Variants in C6orf132 observed in about 807,000 individuals in gnomAD.
C6orf132 encodes the protein chromosome 6 open reading frame 132.
In C6orf132, 43 loss-of-function variants were observed where a neutral mutation model predicts 65.3. The observed-to-expected ratio is 0.66, with a 90% CI of 0.52 to 0.85. C6orf132 has a LOEUF of 0.85. Ranked by LOEUF, C6orf132 falls within the 40% of genes least tolerant of loss-of-function variation. The pLI, the probability that C6orf132 is intolerant of heterozygous loss-of-function variation, is 0.00. For synonymous variants in C6orf132, 631 were observed against 654.1 expected (o/e 0.96, Z 0.54); for missense variants, 1,488 against 1,548.8 (o/e 0.96, Z 0.66).
rs1360252620 is a variant in C6orf132, at chr6:42,105,722, C to T, written c.2190G>A (p.Gln730=). ...CTGAGGGGGACCCCTCTCCCCTTGCCTGGGAGGGAGTGGAAACTTCTTGAG... is the reference window on the plus strand; with the variant it reads ...CTGAGGGGGACCCCTCTCCCCTTGCTTGGGAGGGAGTGGAAACTTCTTGAG... ...PASQEVSTPS[Q]ARGEGSPSEA... is the part of the protein sequence containing the mutation. The change falls in exon 4 of 5, where the codon CAG becomes CAA. Residue 730 remains glutamine (Q), a synonymous_variant. Transcript: ENST00000341865. 2.6e-6 allele frequency: 4 copies of T among 1,537,206 alleles called. 1 individual carries two copies. In the African/African-American group the frequency reaches 5.5e-5, roughly 21 times the overall value.
rs1177429339 is a variant in C6orf132 at position 42,105,397 on chromosome 6, T to G, written c.2515A>C (p.Met839Leu). The change falls in exon 4 of 5, where the codon ATG (methionine) becomes CTG (leucine). Residue 839 changes from methionine to leucine, a missense_variant. Physicochemically the swap from Met to Leu is conservative, Grantham distance 15. Transcript: ENST00000341865. ...TGCCTGGCCGCCAGGAGCAGGGCCA[T>G]CGGCGAGCCCCGCTCCACCACCTCC... Reference protein sequence around the residue: ...TGEVVERGSPMALLLAARQRA... With the variant: ...TGEVVERGSPLALLLAARQRA... The G allele has an allele frequency of 6.5e-7, 1 of 1,535,718 alleles. No individual in the cohort carries two copies. The highest frequency in any genetic ancestry group is 2.0e-5 in the Admixed American group (1 of 50,978).
At position 42,142,584 on chromosome 6, in the gene C6orf132, C is replaced by A. The variant is rs1016121571; in HGVS notation, c.-140G>T. 1,799 of 311,134 alleles carry A rather than the reference C, an allele frequency of 5.8e-3. No individual in the cohort carries two copies. The highest frequency in any genetic ancestry group is 0.011 in the East Asian group (102 of 9,594). The allele number at this position is 311,134 out of a possible 1,614,324, so 19.3% of individuals were successfully genotyped here. ...CCGTCCTCCCCGCCCGCGCACCGGGCAACAGGTGCTGCGGGCGCCGCCGCT... is the reference window on the plus strand; with the variant it reads ...CCGTCCTCCCCGCCCGCGCACCGGGAAACAGGTGCTGCGGGCGCCGCCGCT... On this transcript the variant is annotated 5_prime_UTR_variant, in exon 1 of 5. Transcript: ENST00000341865.
chr6:42,122,060 A>G (rs986478099), intron 2 of C6orf132, among the ~76,000 whole-genome samples: 2 of 152,164 alleles, frequency 1.3e-5, no homozygotes, highest in African/African-American at 2.4e-5. Flanking sequence ...GCCAGTGAAC[A>G]GTTTATAAAG....
At chr6:42,137,934 T>C (rs1251909161) in intron 1 of C6orf132, among the ~76,000 whole-genome samples, 1 of 152,102 alleles carries the variant, frequency 6.6e-6, no homozygotes, top group Non-Finnish European at 1.5e-5. Context: ...AATAGCCATG[T>C]GTGGTGGCGC....
Position 42,104,447 on chromosome 6 carries a change from CG to C in C6orf132, c.3449+15del. On this transcript the variant is annotated intron_variant, in intron 4 of 4. Coordinates refer to ENST00000341865, the MANE Select transcript of C6orf132 (RefSeq NM_001164446.3). The surrounding 1 kb of genome is among the most constrained non-coding windows in gnomAD (Gnocchi z 4.1). ...ACCCCTCCTGGCTTCCCGCACCAGC[CG>C]GGCCCGCAGCTCACCTGCCGGCAGC... The C allele has an allele frequency of 1.6e-6, 2 of 1,230,478 alleles. No homozygotes were observed. Among genetic ancestry groups the C allele is most frequent in the Non-Finnish European group, 2.0e-6 (2 of 987,296 alleles). 76.2% of individuals were successfully genotyped at this position (1,230,478 alleles called of 1,614,324 possible). A position where few individuals can be genotyped will look rare whatever the true frequency, so the allele number is the denominator to read the frequency against.
At chr6:42,136,728 T>C (rs939762451) in intron 1 of C6orf132, among the ~76,000 whole-genome samples, 1 of 152,182 alleles carries the variant, frequency 6.6e-6, no homozygotes, top group African/African-American at 2.4e-5. Flanking sequence ...AAGGCCAGTC[T>C]TTCCCAGCAA....
At chr6:42,139,873 C>T (rs905871480) in intron 1 of C6orf132, among the ~76,000 whole-genome samples, 2 of 152,204 alleles carry the variant, frequency 1.3e-5, no homozygotes, top group Non-Finnish European at 2.9e-5. Flanking sequence ...GGCAGTTACC[C>T]TGCAGGCAGC....
Position 42,104,897 on chromosome 6 carries a change from A to C in C6orf132, c.3015T>G (p.Tyr1005Ter), listed in dbSNP as rs1385493342. The C allele has an allele frequency of 6.9e-7, 1 of 1,452,554 alleles. No individual in the cohort carries two copies. The highest frequency in any genetic ancestry group is 1.4e-5 in the South Asian group (1 of 70,794). 90.0% of individuals were successfully genotyped at this position (1,452,554 alleles called of 1,614,324 possible). Residue 1005 changes from tyrosine (Y) to a stop codon, truncating the protein, a stop_gained, in exon 4 of 5, where the codon TAT becomes TAG. Transcript: ENST00000341865. LOFTEE classifies it high-confidence loss of function. This position sits in a 1 kb window ranked among gnomAD's most constrained non-coding sequence, Gnocchi z 4.1. ...DPEPPAPALQYLGRQSSPPRN... is the reference protein window; with the variant it reads ...DPEPPAPALQ The stretch of plus-strand genomic sequence containing the variant: ...GGGGAGGGGAGCTCTGGCGGCCCAG[A>C]TACTGGAGGGCCGGGGCCGGGGGCT...
At position 42,106,755 on chromosome 6, in the gene C6orf132, C is replaced by T. The variant is rs753343322; in HGVS notation, c.1157G>A (p.Arg386Gln). 34 of 1,531,994 alleles carry T rather than the reference C, an allele frequency of 2.2e-5. 1 individual carries two copies. The highest frequency in any genetic ancestry group is 2.3e-4 in the Middle Eastern group (1 of 4,406). The allele number at this position is 1,531,994 out of a possible 1,614,324, so 94.9% of individuals were successfully genotyped here. A position where few individuals can be genotyped will look rare whatever the true frequency, so the allele number is the denominator to read the frequency against. ...LGQSQSQADE[R>Q]AGTPPPAPPL... is the part of the protein sequence containing the mutation. ...AGGGGCTGGAGGCGGAGTCCCAGCT[C>T]GTTCATCTGCTTGGGACTGGGACTG... The change falls in exon 4 of 5, where the codon CGA becomes CAA. Residue 386 changes from arginine to glutamine, a missense_variant. Arg to Gln is a conservative substitution (Grantham distance 43). Transcript: ENST00000341865.
chr6:42,111,988 C>G (rs1766502425), intron 2 of C6orf132, among the ~76,000 whole-genome samples: 1 of 150,504 alleles, frequency 6.6e-6, no homozygotes, highest in African/African-American at 2.5e-5. Flanking sequence ...CCTATTACAC[C>G]CATCCCACAT....
At chr6:42,126,287 G>T (rs998902747) in intron 2 of C6orf132, 2 of 151,630 alleles carry the variant, frequency 1.3e-5, no homozygotes, top group Non-Finnish European at 2.9e-5. Flanking sequence ...CACCATGTTG[G>T]CCAGGCTGGT....
At chr6:42,129,800 C>T (rs1766824490) in intron 1 of C6orf132, among the ~76,000 whole-genome samples, 1 of 152,210 alleles carries the variant, frequency 6.6e-6, no homozygotes, top group South Asian at 2.1e-4. Context: ...GGACTTTCCT[C>T]GATAGCCAAA....
intron 2 of C6orf132, among the ~76,000 whole-genome samples, chr6:42,128,172 C>CT (rs1425512472): frequency 6.6e-6 from 1 of 151,780 alleles, no homozygotes; most frequent in East Asian, 1.9e-4. Context: ...ATGATCTGCC[C>CT]CCTTGGCCTC....
chr6:42,104,694 C>T lies in C6orf132; in HGVS notation c.3218G>A (p.Arg1073Gln), dbSNP rs1292398017. 4 of 1,517,310 alleles carry T rather than the reference C, an allele frequency of 2.6e-6. No homozygotes were observed. The highest frequency in any genetic ancestry group is 3.5e-6 in the Non-Finnish European group (4 of 1,139,212). 94.0% of individuals were successfully genotyped at this position (1,517,310 alleles called of 1,614,324 possible). ...KKRLYVGEPHRGPGLPHGGTG... is the reference protein window; with the variant it reads ...KKRLYVGEPHQGPGLPHGGTG... ...GCCACCGTGGGGTAGCCCTGGGCCT[C>T]GGTGCGGCTCCCCGACGTACAGGCG... The change falls in exon 4 of 5, where the codon CGA (arginine) becomes CAA (glutamine). Residue 1073 changes from arginine (R) to glutamine (Q), a missense_variant. Coordinates refer to ENST00000341865, the MANE Select transcript of C6orf132 (RefSeq NM_001164446.3). This position sits in a 1 kb window ranked among gnomAD's most constrained non-coding sequence, Gnocchi z 4.1.
chr6:42,109,965 G>A (rs923297608), intron 3 of C6orf132, among the ~76,000 whole-genome samples: 1 of 152,136 alleles, frequency 6.6e-6, no homozygotes, highest in Non-Finnish European at 1.5e-5. Context: ...TCCTGCTCTG[G>A]CTTTGTCCCC....
Position 42,105,919 on chromosome 6 carries a change from C to T in C6orf132, c.1993G>A (p.Ala665Thr). The part of the protein sequence containing the change: ...ATLWPATPPK[A>T]TLGPATPLKA... ...AGTGGTGTGGCTGGCCCAAGTGTGG[C>T]CTTGGGTGGTGTGGCTGGCCAAAGT... Residue 665 changes from alanine to threonine, a missense_variant, in exon 4 of 5, where the codon GCC (alanine) becomes ACC (threonine). Ala to Thr is a moderately conservative substitution (Grantham distance 58). Coordinates refer to ENST00000341865, the MANE Select transcript of C6orf132 (RefSeq NM_001164446.3). 6.5e-7 allele frequency: 1 copy of T among 1,537,026 alleles called. No individual in the cohort carries two copies. The highest frequency in any genetic ancestry group is 8.7e-7 in the Non-Finnish European group (1 of 1,146,888).
chr6:42,104,885 C>T lies in C6orf132; in HGVS notation c.3027G>A (p.Gln1009=). The change falls in exon 4 of 5, where the codon CAG becomes CAA. Residue 1009 remains glutamine, a synonymous_variant. Coordinates refer to ENST00000341865, the MANE Select transcript of C6orf132 (RefSeq NM_001164446.3). This position sits in a 1 kb window ranked among gnomAD's most constrained non-coding sequence, Gnocchi z 4.1. ...AGTAGTTGTTCCGGGGAGGGGAGCT[C>T]TGGCGGCCCAGATACTGGAGGGCCG... ...PAPALQYLGR[Q]SSPPRNNYSD... is the part of the protein sequence containing the mutation. 1 of 1,449,054 alleles carries T rather than the reference C, an allele frequency of 6.9e-7. No individual in the cohort carries two copies. The highest frequency in any genetic ancestry group is 9.0e-7 in the Non-Finnish European group (1 of 1,105,296). The allele number at this position is 1,449,054 out of a possible 1,614,324, so 89.8% of individuals were successfully genotyped here.
rs1267836357 is a variant in C6orf132 at position 42,104,934 on chromosome 6, C to T, written c.2978G>A (p.Ser993Asn). Residue 993 changes from serine (S) to asparagine (N), a missense_variant, in exon 4 of 5, where the codon AGC becomes AAC. Transcript: ENST00000341865. This position sits in a 1 kb window ranked among gnomAD's most constrained non-coding sequence, Gnocchi z 4.1. ...CGGGGCCGGGGGCTCAGGGTCATTG[C>T]TGAACTCTGGCGGCGGTGGGATGAC... ...FEVIPPPPEF[S>N]NDPEPPAPAL... 13 of 1,476,092 alleles carry T rather than the reference C, an allele frequency of 8.8e-6. No individual in the cohort carries two copies. The East Asian group carries it at 2.5e-4, about 28-fold the overall frequency. The allele number at this position is 1,476,092 out of a possible 1,614,324, so 91.4% of individuals were successfully genotyped here.
rs554441543 is a variant in C6orf132, at chr6:42,105,052, G to A, written c.2860C>T (p.Leu954Phe). The A allele has an allele frequency of 5.8e-5, 89 of 1,536,652 alleles. No homozygotes were observed. In the African/African-American group the frequency reaches 1.1e-3, roughly 20 times the overall value. ...VAWERVAPSN[L>F]PQGHPLPKSF... is the part of the protein sequence containing the mutation. ...TTGGGCAGCGGGTGGCCCTGGGGGA[G>A]GTTGGAGGGAGCTACTCTTTCCCAG... is the stretch of plus-strand genomic sequence containing the variant. Residue 954 changes from leucine to phenylalanine, a missense_variant, in exon 4 of 5, where the codon CTC becomes TTC. Transcript: ENST00000341865.
Sources: allele counts gnomAD v4.1 joint callset (sites outside exome capture counted in the v4.1 genomes callset), GRCh38; gene constraint gnomAD v4.1.1; non-coding constraint Gnocchi (gnomAD v3.1); transcripts MANE v1.5; gene names NCBI Gene and HGNC (gene_info 2026-07-23, HGNC 2026-07-21).